PEX14: variants seen among roughly 807,000 people sequenced by gnomAD.
PEX14 encodes the protein peroxisomal membrane protein PEX14.
Under a neutral mutation model 49.5 loss-of-function variants are expected in PEX14, and 15 were observed. The observed-to-expected ratio is 0.30, with a 90% CI of 0.20 to 0.47. The LOEUF (loss-of-function observed/expected upper bound fraction) is 0.47. Among genes scored for constraint, PEX14 ranks in the 20% least tolerant of loss-of-function variants. The pLI is 1.00. For synonymous variants in PEX14, 210 were observed against 212.7 expected (o/e 0.99, Z 0.11); for missense variants, 398 against 494.8 (o/e 0.80, Z 1.86).
intron 3 of PEX14, among the ~76,000 whole-genome samples, chr1:10,587,586 A>G (rs989532059): frequency 1.3e-5 from 2 of 152,224 alleles, no homozygotes; most frequent in African/African-American, 4.8e-5. Flanking sequence ...AGGTCTTATT[A>G]AAATTAAAAC....
intron 3 of PEX14, among the ~76,000 whole-genome samples, chr1:10,593,448 G>A (rs1009609665): frequency 6.6e-6 from 1 of 152,082 alleles, no homozygotes; most frequent in Non-Finnish European, 1.5e-5. Flanking sequence ...AAGGAGAGGG[G>A]AAAGTCTCAG....
chr1:10,555,132 C>A (rs10779739), intron 3 of PEX14, among the ~76,000 whole-genome samples: 110,449 of 151,706 alleles, frequency 0.73, 41,328 homozygotes, highest in Non-Finnish European at 0.82. Context: ...CCCTACCCCC[C>A]AATAACACAC....
At chr1:10,575,171 G>A (rs1253509461) in intron 3 of PEX14, among the ~76,000 whole-genome samples, 1 of 151,944 alleles carries the variant, frequency 6.6e-6, no homozygotes, top group Non-Finnish European at 1.5e-5. Context: ...TAAAAAGAAT[G>A]CATTGTCAAT....
chr1:10,591,745 G>A (rs1640675619), intron 3 of PEX14, among the ~76,000 whole-genome samples: 3 of 149,774 alleles, frequency 2.0e-5, no homozygotes, highest in South Asian at 2.1e-4. Context: ...TTCTTCTTTC[G>A]GGGGTGTTAA....
At chr1:10,498,992 T>G (rs1263211057) in intron 2 of PEX14, among the ~76,000 whole-genome samples, 7 of 152,204 alleles carry the variant, frequency 4.6e-5, no homozygotes, top group Admixed American at 4.6e-4. Context: ...GGATCCAGCT[T>G]CTTGTGCTGT....
At chr1:10,611,102 T>C (rs1433697251) in intron 4 of PEX14, among the ~76,000 whole-genome samples, 3 of 151,882 alleles carry the variant, frequency 2.0e-5, no homozygotes, top group Non-Finnish European at 2.9e-5. Flanking sequence ...CTGTCTGTAC[T>C]AAAAATATAA....
At chr1:10,610,976 G>A (rs149074819) in intron 4 of PEX14, among the ~76,000 whole-genome samples, 23 of 152,024 alleles carry the variant, frequency 1.5e-4, no homozygotes, top group Admixed American at 1.0e-3. Context: ...GGCTGGGTGC[G>A]GTTGCTCACG....
chr1:10,602,821 G>T (rs6684576), intron 4 of PEX14, among the ~76,000 whole-genome samples: 2 of 152,148 alleles, frequency 1.3e-5, no homozygotes, highest in Non-Finnish European at 2.9e-5. Flanking sequence ...CATTGTCTGC[G>T]TCGGGAGGGA....
rs1030014577 is a variant in PEX14 at position 10,485,525 on chromosome 1, C to T, written c.37-9749C>T. ...GTAGCGAGGGGGTCTTGCTGTGTTG[C>T]GCAGGCTGGTCTTGAACTTCTGGAC... On this transcript the variant is annotated intron_variant, in intron 1 of 8. Coordinates refer to ENST00000356607, the MANE Select transcript of PEX14 (RefSeq NM_004565.3). Among the ~76,000 whole-genome samples the T allele has an allele frequency of 5.3e-5, 8 of 150,832 alleles. 1 individual carries two copies. The highest frequency in any genetic ancestry group is 2.9e-5 in the Non-Finnish European group (2 of 67,932).
intron 3 of PEX14, among the ~76,000 whole-genome samples, chr1:10,587,934 A>G (rs1390982232): frequency 1.7e-5 from 2 of 120,314 alleles, no homozygotes; most frequent in Admixed American, 1.9e-4. Context: ...AAAAAAAGAG[A>G]TGGAGTCTTG....
chr1:10,523,462 C>G (rs554074239), intron 2 of PEX14, among the ~76,000 whole-genome samples: 1 of 151,890 alleles, frequency 6.6e-6, no homozygotes, highest in Admixed American at 6.6e-5. Flanking sequence ...ATCTCTGGCC[C>G]AGGTATCAGC....
intron 3 of PEX14, among the ~76,000 whole-genome samples, chr1:10,559,495 T>C (rs1319507727): frequency 6.6e-6 from 1 of 152,206 alleles, no homozygotes; most frequent in Non-Finnish European, 1.5e-5. Flanking sequence ...TCCCAGTCCC[T>C]TGGCAAACAG....
intron 3 of PEX14, among the ~76,000 whole-genome samples, chr1:10,584,423 T>C (rs776267390): frequency 6.6e-5 from 10 of 152,210 alleles, no homozygotes; most frequent in Non-Finnish European, 1.5e-4. Flanking sequence ...TTGATTTTGA[T>C]AATTATTCTG....
rs765081704 is a variant in PEX14 at position 10,549,628 on chromosome 1, C to T, written c.169+13331C>T. On this transcript the variant is annotated intron_variant, in intron 3 of 8. Transcript: ENST00000356607. The stretch of plus-strand genomic sequence containing the variant: ...AATAGAAATAAAGGTTAAGTATCTC[C>T]GATCCAAAATGCTTGGGACCAGAAA... Among the ~76,000 whole-genome samples the T allele has an allele frequency of 5.9e-5, 9 of 152,136 alleles. No individual in the cohort carries two copies. The East Asian group carries it at 7.7e-4, about 13-fold the overall frequency.
intron 3 of PEX14, among the ~76,000 whole-genome samples, chr1:10,594,116 G>A (rs546452283): frequency 1.8e-4 from 27 of 152,166 alleles, no homozygotes; most frequent in South Asian, 1.0e-3. Context: ...GTCATCCTAC[G>A]ACTTTTAGAG....
chr1:10,585,904 T>TA (rs1052516947), intron 3 of PEX14, among the ~76,000 whole-genome samples: 1 of 151,432 alleles, frequency 6.6e-6, no homozygotes, highest in Non-Finnish European at 1.5e-5. Context: ...TCAAAACAAA[T>TA]AAAAAAAAGT....
intron 1 of PEX14, among the ~76,000 whole-genome samples, chr1:10,477,442 A>G (rs1277904084): frequency 6.6e-6 from 1 of 152,154 alleles, no homozygotes; most frequent in Non-Finnish European, 1.5e-5. Context: ...TGAATGAACC[A>G]ATGCTCTTCA....
chr1:10,482,371 C>A (rs187877254), intron 1 of PEX14, among the ~76,000 whole-genome samples: 1 of 151,744 alleles, frequency 6.6e-6, no homozygotes, highest in East Asian at 1.9e-4. Flanking sequence ...CTCAAGTGAT[C>A]CACCTACCTT....
intron 2 of PEX14, among the ~76,000 whole-genome samples, chr1:10,500,803 A>C (rs1641664295): frequency 6.6e-6 from 1 of 152,190 alleles, no homozygotes; most frequent in Non-Finnish European, 1.5e-5. Context: ...TCGAACTCCT[A>C]GGCTCAAGTG....
Sources: allele counts gnomAD v4.1 joint callset (sites outside exome capture counted in the v4.1 genomes callset), GRCh38; gene constraint gnomAD v4.1.1; transcripts MANE v1.5; gene names NCBI Gene and HGNC (gene_info 2026-07-23, HGNC 2026-07-21).